The following ZNF274 variants were observed in gnomAD, a reference collection of about 807,000 sequenced individuals.
ZNF274 encodes neurotrophin receptor-interacting factor homolog.
A neutral mutation model predicts 42.5 loss-of-function variants in ZNF274; 23 were observed. The ratio of observed to expected loss-of-function variants is 0.54; its 90% confidence interval spans 0.39 to 0.77. ZNF274 has a LOEUF of 0.77. Among genes scored for constraint, ZNF274 ranks in the 30% least tolerant of loss-of-function variants. ZNF274 has a pLI of 0.00. For missense variants in ZNF274, 679 were observed against 806.5 expected (o/e 0.84, Z 1.91); for synonymous variants, 292 against 305.4 (o/e 0.96, Z 0.46).
chr19:58,204,771 G>A (rs1041205051), intron 4 of ZNF274, among the ~76,000 whole-genome samples: 6 of 152,052 alleles, frequency 3.9e-5, no homozygotes, highest in Admixed American at 3.3e-4. Context: ...AACACCGCGC[G>A]GGGCAGGAAT....
chr19:58,212,032 A>G lies in ZNF274; in HGVS notation c.980-129A>G. 4.5e-6 allele frequency: 5 copies of G among 1,114,870 alleles called. No individual in the cohort carries two copies. The highest frequency in any genetic ancestry group is 1.6e-5 in the South Asian group (1 of 62,944). 69.1% of individuals were successfully genotyped at this position (1,114,870 alleles called of 1,614,324 possible). A position where few individuals can be genotyped will look rare whatever the true frequency, so the allele number is the denominator to read the frequency against. On this transcript the variant is annotated intron_variant, in intron 7 of 7. Transcript: ENST00000617501. This position sits in a 1 kb window ranked among gnomAD's most constrained non-coding sequence, Gnocchi z 4.6. ...CTTCATTGCTTTTCAGTCTCTCTCC[A>G]GGTTGCATGACTCTATTTGGGAGAA...
chr19:58,196,853 C>T (rs534198892), intron 4 of ZNF274, among the ~76,000 whole-genome samples: 52 of 152,138 alleles, frequency 3.4e-4, no homozygotes, highest in African/African-American at 7.2e-4. Flanking sequence ...CCATCTTTCA[C>T]GGGACATTAA....
At chr19:58,192,267 G>A (rs1179239416) in intron 4 of ZNF274, among the ~76,000 whole-genome samples, 2 of 152,188 alleles carry the variant, frequency 1.3e-5, no homozygotes, top group Non-Finnish European at 2.9e-5. Context: ...CTCACTCTGG[G>A]TGGCTGTGAA....
At chr19:58,202,850 GTC>G (rs1466448376) in intron 4 of ZNF274, among the ~76,000 whole-genome samples, 1 of 152,170 alleles carries the variant, frequency 6.6e-6, no homozygotes, top group Non-Finnish European at 1.5e-5. Flanking sequence ...TGGGTTTGTG[GTC>G]TCTCTGTTCA....
At position 58,206,770 on chromosome 19, in the gene ZNF274, A is replaced by G. The variant is rs764089089; in HGVS notation, c.307A>G (p.Ser103Gly). 7 of 1,611,500 alleles carry G rather than the reference A, an allele frequency of 4.3e-6. No homozygotes were observed. In the African/African-American group the frequency reaches 9.3e-5, roughly 22 times the overall value. ...TAAATTGGATCCTCTTCCTGCTGAGAGTCCCCTAATGAACATTGAGGTTGT... is the reference window on the plus strand; with the variant it reads ...TAAATTGGATCCTCTTCCTGCTGAGGGTCCCCTAATGAACATTGAGGTTGT... ...DPKLDPLPAE[S>G]PLMNIEVVEV... The change falls in exon 5 of 8, where the codon AGT becomes GGT. Residue 103 changes from serine (S) to glycine (G), a missense_variant. Physicochemically the swap from Ser to Gly is moderately conservative, Grantham distance 56. Transcript: ENST00000617501.
At chr19:58,201,972 G>T (rs1233580093) in intron 4 of ZNF274, among the ~76,000 whole-genome samples, 2 of 152,156 alleles carry the variant, frequency 1.3e-5, no homozygotes, top group Non-Finnish European at 2.9e-5. Flanking sequence ...ACAAGTCCCA[G>T]TTGGCAGCCT....
At chr19:58,210,239 G>A (rs1475545378) in intron 6 of ZNF274, 166 bp downstream of exon 6, 2 of 544,726 alleles carry the variant, frequency 3.7e-6, no homozygotes, top group South Asian at 4.3e-5. Flanking sequence ...AGTATGAAGA[G>A]CAGCCCTGCC....
At position 58,206,941 on chromosome 19, in the gene ZNF274, G is replaced by T. The variant is rs781621896; in HGVS notation, c.478G>T (p.Ala160Ser). The change falls in exon 5 of 8, where the codon GCG becomes TCG. Residue 160 changes from alanine (A) to serine (S), a missense_variant. Physicochemically the swap from Ala to Ser is moderately conservative, Grantham distance 99. Transcript: ENST00000617501. Reference protein sequence around the residue: ...QGKHPGDPEAARQRFRQFRYK... With the variant: ...QGKHPGDPEASRQRFRQFRYK... ...CAAGCATCCAGGTGACCCTGAGGCC[G>T]CGCGCCAGAGGTTCCGGCAGTTCCG... The T allele has an allele frequency of 6.2e-7, 1 of 1,611,594 alleles. No individual in the cohort carries two copies. Among genetic ancestry groups the T allele is most frequent in the Non-Finnish European group, 8.5e-7 (1 of 1,178,832 alleles).
chr19:58,197,255 A>G (rs2075854853), intron 4 of ZNF274, among the ~76,000 whole-genome samples: 1 of 152,252 alleles, frequency 6.6e-6, no homozygotes, highest in African/African-American at 2.4e-5. Flanking sequence ...GCATCAGAGG[A>G]CTCATATGGG....
In ZNF274 at chr19:58,207,064, C is replaced by T. The variant is rs772229302; in HGVS notation, c.601C>T (p.Leu201=). The T allele has an allele frequency of 2.5e-6, 4 of 1,613,672 alleles. No homozygotes were observed. The highest frequency in any genetic ancestry group is 1.3e-5 in the African/African-American group (1 of 74,946). The change falls in exon 5 of 8, where the codon CTG becomes TTG. Residue 201 remains leucine, a synonymous_variant. Coordinates refer to ENST00000617501, the MANE Select transcript of ZNF274 (RefSeq NM_133502.3). This position sits in a 1 kb window ranked among gnomAD's most constrained non-coding sequence, Gnocchi z 5.6. The part of the protein sequence containing the change: ...QPKARSKEQI[L]ELLVLEQFLG... ...TAAGGCACGCTCCAAGGAGCAGATC[C>T]TGGAGCTGCTGGTGCTGGAGCAGTT...
chr19:58,188,605 CAAAAA>C (rs1163562490), intron 4 of ZNF274, among the ~76,000 whole-genome samples: 5 of 48,834 alleles, frequency 1.0e-4, no homozygotes, highest in African/African-American at 3.4e-4. Context: ...GACTCCATCT[CAAAAA>C]AAAAAAAAAA....
intron 1 of ZNF274, 103 bp downstream of exon 1, chr19:58,183,545 G>A (rs1182331938): frequency 2.4e-5 from 4 of 168,986 alleles, no homozygotes; most frequent in African/African-American, 9.6e-5. Flanking sequence ...GCCGAGCTCG[G>A]GTACCCTGAG....
Position 58,212,594 on chromosome 19 carries a change from G to T in ZNF274, c.1413G>T (p.Lys471Asn). The T allele has an allele frequency of 1.2e-6, 2 of 1,614,018 alleles. No homozygotes were observed. Among genetic ancestry groups the T allele is most frequent in the Non-Finnish European group, 1.7e-6 (2 of 1,179,902 alleles). The stretch of plus-strand genomic sequence containing the variant: ...ATTCACGTGTAAAAATTCATCAGAA[G>T]AGCTGTGAAAGGCAAAAGGCCAAGG... Reference protein sequence around the residue: ...KHNSRVKIHQKSCERQKAKEG... With the variant: ...KHNSRVKIHQNSCERQKAKEG... Residue 471 changes from lysine (K) to asparagine (N), a missense_variant, in exon 8 of 8, where the codon AAG becomes AAT. Coordinates refer to ENST00000617501, the MANE Select transcript of ZNF274 (RefSeq NM_133502.3). The surrounding 1 kb of genome is among the most constrained non-coding windows in gnomAD (Gnocchi z 4.6).
At chr19:58,186,832 C>A in intron 3 of ZNF274, 115 bp from the exon 4 acceptor site, 4 of 839,660 alleles carry the variant, frequency 4.8e-6, no homozygotes, top group Non-Finnish European at 7.6e-6. Flanking sequence ...CTGCTCTAGG[C>A]CAGAAGTCAT....
intron 6 of ZNF274, chr19:58,210,666 T>C (rs1257348081): frequency 6.6e-6 from 1 of 152,508 alleles, no homozygotes; most frequent in Non-Finnish European, 1.5e-5. Context: ...TCCCAGGTGA[T>C]GGGAAGAATC....
intron 4 of ZNF274, among the ~76,000 whole-genome samples, chr19:58,189,879 C>G (rs1253530550): frequency 6.6e-6 from 1 of 152,026 alleles, no homozygotes; most frequent in Non-Finnish European, 1.5e-5. Context: ...AATCCCAGCA[C>G]TTTGGGAGGC....
In ZNF274 at chr19:58,209,969, G is replaced by T. The variant is rs370818148; in HGVS notation, c.748G>T (p.Ala250Ser). 107 of 1,611,940 alleles carry T rather than the reference G, an allele frequency of 6.6e-5. No individual in the cohort carries two copies. The highest frequency in any genetic ancestry group is 8.4e-5 in the Non-Finnish European group (99 of 1,179,316). ...CTGGTGTCTCCTCCCAGTACTTCCT[G>T]CAGGACAACCTGCCGAGGGCACCAC... ...TWMSEEEVLP[A>S]GQPAEGTTCC... Residue 250 changes from alanine (A) to serine (S), a missense_variant, in exon 6 of 8, where the codon GCA (alanine) becomes TCA (serine). Ala to Ser is a moderately conservative substitution (Grantham distance 99). Around this residue, in one of 2 missense-constraint regions of ZNF274, gnomAD observed 456 missense variants for 590.1 expected, o/e 0.77. Transcript: ENST00000617501.
At chr19:58,184,073 C>T (rs566412921) in intron 2 of ZNF274, 75 bp downstream of exon 2, 2 of 1,507,872 alleles carry the variant, frequency 1.3e-6, no homozygotes, top group African/African-American at 2.8e-5. Context: ...GAGATACCAC[C>T]TTCCCTGAGA....
At chr19:58,198,857 C>T (rs1242071231) in intron 4 of ZNF274, among the ~76,000 whole-genome samples, 3 of 140,326 alleles carry the variant, frequency 2.1e-5, no homozygotes, top group African/African-American at 5.3e-5. Flanking sequence ...CATCTGAGTA[C>T]TGCCCTGAGC....
Sources: gnomAD v4.1 joint callset for allele counts (sites outside exome capture counted in the v4.1 genomes callset) on GRCh38, gnomAD v4.1.1 for gene constraint, gnomAD v4.1.1 regional missense constraint, Gnocchi (gnomAD v3.1) non-coding constraint, MANE v1.5 for transcripts, NCBI Gene and HGNC (gene_info 2026-07-23, HGNC 2026-07-21) for gene names.